RASGEF1A: variants seen among roughly 807,000 people sequenced by gnomAD.
RASGEF1A encodes ras-GEF domain-containing family member 1A.
In RASGEF1A, 18 loss-of-function variants were observed where a neutral mutation model predicts 56.4. The ratio of observed to expected loss-of-function variants is 0.32; its 90% CI spans 0.22 to 0.47. RASGEF1A has a LOEUF of 0.47. Among genes scored for constraint, RASGEF1A ranks in the 20% least tolerant of loss-of-function variants. The pLI is 1.00. For missense variants in RASGEF1A, 422 were observed against 627.1 expected (o/e 0.67, Z 3.49); for synonymous variants, 245 against 242.6 (o/e 1.01, Z -0.09).
intron 4 of RASGEF1A, 102 bp from the exon 5 acceptor site, chr10:43,200,990 C>T (rs934511314): frequency 7.7e-6 from 8 of 1,042,324 alleles, no homozygotes; most frequent in South Asian, 2.9e-5. Context: ...GCCTAACCAA[C>T]GTGAGCCCAC....
intron 1 of RASGEF1A, among the ~76,000 whole-genome samples, chr10:43,257,557 G>C (rs1433317206): frequency 6.6e-6 from 1 of 152,176 alleles, no homozygotes; most frequent in East Asian, 1.9e-4. Flanking sequence ...TCCTTCCTAG[G>C]AGGGTGGGGA....
chr10:43,214,254 C>T (rs1281808512), intron 1 of RASGEF1A, among the ~76,000 whole-genome samples: 1 of 152,194 alleles, frequency 6.6e-6, no homozygotes, highest in African/African-American at 2.4e-5. Context: ...TCCCGTGCAC[C>T]CACTCATGTG....
At chr10:43,197,137 C>T in intron 10 of RASGEF1A, 38 bp from the exon 11 acceptor site, 3 of 1,607,858 alleles carry the variant, frequency 1.9e-6, no homozygotes, top group Non-Finnish European at 2.5e-6. Flanking sequence ...CATCTGTCAC[C>T]TTAAGCACCA....
chr10:43,196,470 TC>T lies in RASGEF1A; in HGVS notation c.1421+5del. The T allele has an allele frequency of 6.2e-7, 1 of 1,613,694 alleles. No individual in the cohort carries two copies. Among genetic ancestry groups the T allele is most frequent in the East Asian group, 2.2e-5 (1 of 44,862 alleles). On this transcript the variant is annotated splice_donor_5th_base_variant and intron_variant, in intron 12 of 12. Transcript: ENST00000395810. The surrounding 1 kb of genome is among the most constrained non-coding windows in gnomAD (Gnocchi z 4.6). ...ACAGACTCCCATGTTCCTGACGCCC[TC>T]CTACCTGAGGGTCTTCCAGCTGTCT... is the stretch of plus-strand genomic sequence containing the variant.
At chr10:43,218,587 C>A (rs2133200485) in intron 1 of RASGEF1A, among the ~76,000 whole-genome samples, 1 of 152,386 alleles carries the variant, frequency 6.6e-6, no homozygotes, top group Admixed American at 6.5e-5. Context: ...GCCTCTCCAT[C>A]CTCCAGGCCA....
At position 43,235,015 on chromosome 10, in the gene RASGEF1A, G is replaced by C. The variant is rs1211274331; in HGVS notation, c.-6-28893C>G. Among the ~76,000 whole-genome samples the C allele has an allele frequency of 2.0e-5, 3 of 152,208 alleles. No individual in the cohort carries two copies. In the South Asian group the frequency reaches 6.2e-4, roughly 32 times the overall value. ...AAACCACACCTAAACACACCCACAGGCTCCAGGGAAGGTTGTCTGGCAGCC... is the reference window on the plus strand; with the variant it reads ...AAACCACACCTAAACACACCCACAGCCTCCAGGGAAGGTTGTCTGGCAGCC... On this transcript the variant is annotated intron_variant, in intron 1 of 12. Transcript: ENST00000395810.
At chr10:43,243,872 A>G (rs1840538103) in intron 1 of RASGEF1A, among the ~76,000 whole-genome samples, 1 of 152,202 alleles carries the variant, frequency 6.6e-6, no homozygotes, top group South Asian at 2.1e-4. Flanking sequence ...TGGGAAGTGT[A>G]CCCAACAGCT....
intron 1 of RASGEF1A, among the ~76,000 whole-genome samples, chr10:43,237,697 C>G (rs530896145): frequency 6.6e-6 from 1 of 152,094 alleles, no homozygotes; most frequent in Admixed American, 6.5e-5. Context: ...CAGGCCTGAA[C>G]GCACTCATGC....
intron 1 of RASGEF1A, among the ~76,000 whole-genome samples, chr10:43,266,524 C>T (rs1202925684): frequency 6.6e-6 from 1 of 151,292 alleles, no homozygotes; most frequent in Non-Finnish European, 1.5e-5. Flanking sequence ...CGCCCGCCCG[C>T]CGCGTGCGCT....
In RASGEF1A at chr10:43,238,028, C is replaced by G. The variant is rs75467463; in HGVS notation, c.-7+28817G>C. ...CACAGGCCAAGGCGGCCAGGCCTGACGCAGGTGTGCCTGAGACCCGCCTTC... is the reference window on the plus strand; with the variant it reads ...CACAGGCCAAGGCGGCCAGGCCTGAGGCAGGTGTGCCTGAGACCCGCCTTC... On this transcript the variant is annotated intron_variant, in intron 1 of 12. Coordinates refer to ENST00000395810, the MANE Select transcript of RASGEF1A (RefSeq NM_145313.4). Among the ~76,000 whole-genome samples the G allele has an allele frequency of 4.1e-3, 590 of 143,590 alleles. 8 individuals carry two copies. The highest frequency in any genetic ancestry group is 0.029 in the Admixed American group (404 of 14,080). 94.2% of individuals were successfully genotyped at this position (143,590 alleles called of 152,430 possible).
intron 1 of RASGEF1A, among the ~76,000 whole-genome samples, chr10:43,239,061 A>G (rs1398952800): frequency 6.6e-6 from 1 of 152,174 alleles, no homozygotes; most frequent in Non-Finnish European, 1.5e-5. Context: ...CTTGCCCCAG[A>G]CACCTGCAGC....
chr10:43,234,832 C>A (rs1220778256), intron 1 of RASGEF1A, among the ~76,000 whole-genome samples: 3 of 152,200 alleles, frequency 2.0e-5, no homozygotes, highest in Non-Finnish European at 4.4e-5. Context: ...TCCAGAGGCT[C>A]CTCAGACAGC....
chr10:43,258,293 C>T (rs1035838191), intron 1 of RASGEF1A, among the ~76,000 whole-genome samples: 2 of 152,178 alleles, frequency 1.3e-5, no homozygotes, highest in African/African-American at 2.4e-5. Flanking sequence ...ATTCTGTGAG[C>T]GGGAGGACCC....
At chr10:43,199,268 C>G (rs1239970151) in intron 7 of RASGEF1A, 74 bp from the exon 8 acceptor site, 1 of 1,172,076 alleles carries the variant, frequency 8.5e-7, no homozygotes, top group East Asian at 2.5e-5. Context: ...GGCAGAGGAA[C>G]AGAGGGGCAG....
At chr10:43,197,152 C>A in intron 10 of RASGEF1A, 53 bp from the exon 11 acceptor site, 2 of 1,597,302 alleles carry the variant, frequency 1.3e-6, no homozygotes, top group Admixed American at 3.4e-5. Flanking sequence ...GCACCAAACC[C>A]TCGGTCAGGG....
At chr10:43,205,633 G>A (rs1237600833) in intron 2 of RASGEF1A, among the ~76,000 whole-genome samples, 1 of 152,152 alleles carries the variant, frequency 6.6e-6, no homozygotes, top group Admixed American at 6.5e-5. Flanking sequence ...GCCCTGCTCG[G>A]CCCTTGTGTG....
chr10:43,219,128 C>T (rs779120143), intron 1 of RASGEF1A, among the ~76,000 whole-genome samples: 6 of 152,330 alleles, frequency 3.9e-5, no homozygotes, highest in East Asian at 3.9e-4. Context: ...TCCCGGCAGG[C>T]GCTGGCAGCC....
intron 1 of RASGEF1A, among the ~76,000 whole-genome samples, chr10:43,247,831 G>A (rs1378922418): frequency 3.3e-5 from 5 of 152,078 alleles, no homozygotes; most frequent in African/African-American, 9.7e-5. Flanking sequence ...GGAGGCCTAG[G>A]CAGACAGATC....
intron 2 of RASGEF1A, chr10:43,203,715 G>A: frequency 8.8e-7 from 1 of 1,138,882 alleles, no homozygotes; most frequent in Non-Finnish European, 1.1e-6. Flanking sequence ...GCCACCATAG[G>A]GCTAACCCCA....
Sources: allele counts gnomAD v4.1 joint callset (sites outside exome capture counted in the v4.1 genomes callset), GRCh38; gene constraint gnomAD v4.1.1; non-coding constraint Gnocchi (gnomAD v3.1); transcripts MANE v1.5; gene names NCBI Gene and HGNC (gene_info 2026-07-23, HGNC 2026-07-21).